ANKS1B: variants seen among roughly 807,000 people sequenced by gnomAD.
The protein encoded by ANKS1B is ankyrin repeat and sterile alpha motif domain containing 1B.
A neutral mutation model predicts 148.3 loss-of-function variants in ANKS1B; 36 were observed. That is an observed-to-expected ratio of 0.24 (90% CI 0.19 to 0.32). The LOEUF (loss-of-function observed/expected upper bound fraction) is 0.32. ANKS1B is among the 10% of genes least tolerant of loss of function. ANKS1B has a pLI of 1.00. For synonymous variants in ANKS1B, 542 were observed against 560.8 expected (o/e 0.97, Z 0.47); for missense variants, 1,157 against 1,542.6 (o/e 0.75, Z 4.19).
intron 8 of ANKS1B, among the ~76,000 whole-genome samples, chr12:99,669,877 G>A (rs1252671912): frequency 1.3e-5 from 2 of 151,936 alleles, no homozygotes. Context: ...TTTCTACCTG[G>A]CACCATATTT....
intron 12 of ANKS1B, among the ~76,000 whole-genome samples, chr12:99,328,921 G>A (rs760759924): frequency 6.6e-6 from 1 of 151,860 alleles, no homozygotes; most frequent in Non-Finnish European, 1.5e-5. Context: ...AACTTCTGGA[G>A]ATAAAAATTC....
intron 14 of ANKS1B, among the ~76,000 whole-genome samples, chr12:99,161,198 G>A (rs766588052): frequency 6.6e-6 from 1 of 152,104 alleles, no homozygotes; most frequent in African/African-American, 2.4e-5. Flanking sequence ...TGAAACTGAG[G>A]TTATTTGACA....
intron 17 of ANKS1B, among the ~76,000 whole-genome samples, chr12:98,974,695 A>T (rs73140903): frequency 0.031 from 4,720 of 152,274 alleles, 115 homozygotes; most frequent in Non-Finnish European, 0.047. Flanking sequence ...AGATGAGTCC[A>T]GGTAGGCCTC....
chr12:99,123,569 C>T (rs1479837023), intron 15 of ANKS1B, among the ~76,000 whole-genome samples: 5 of 152,180 alleles, frequency 3.3e-5, no homozygotes, highest in African/African-American at 1.2e-4. Context: ...GGAAACCAGT[C>T]CAAGTCCCCA....
intron 15 of ANKS1B, chr12:99,099,725 T>C (rs1157793825): frequency 6.6e-6 from 1 of 152,136 alleles, no homozygotes; most frequent in Non-Finnish European, 1.5e-5. Flanking sequence ...AAAAGTAACA[T>C]TGCACAATAT....
chr12:99,541,882 G>A (rs1362839378), intron 9 of ANKS1B, among the ~76,000 whole-genome samples: 1 of 151,734 alleles, frequency 6.6e-6, no homozygotes, highest in Non-Finnish European at 1.5e-5. Context: ...ATGCTTCCAT[G>A]ATAAAAGCAC....
intron 8 of ANKS1B, among the ~76,000 whole-genome samples, chr12:99,751,991 G>A (rs2061151522): frequency 6.6e-6 from 1 of 152,010 alleles, no homozygotes; most frequent in Non-Finnish European, 1.5e-5. Context: ...ACTGGTGAAA[G>A]AGAGTTTGGT....
At chr12:99,629,383 T>C (rs781126134) in intron 9 of ANKS1B, among the ~76,000 whole-genome samples, 7 of 152,190 alleles carry the variant, frequency 4.6e-5, no homozygotes, top group Non-Finnish European at 8.8e-5. Context: ...GAACAACTTT[T>C]CCTGTGGAAA....
At chr12:99,368,151 A>C (rs1380630981) in intron 12 of ANKS1B, among the ~76,000 whole-genome samples, 1 of 152,194 alleles carries the variant, frequency 6.6e-6, no homozygotes. Flanking sequence ...TAAATTTTAA[A>C]TTTCACTCAA....
At chr12:99,601,553 A>T (rs957123957) in intron 9 of ANKS1B, among the ~76,000 whole-genome samples, 1 of 152,112 alleles carries the variant, frequency 6.6e-6, no homozygotes, top group Admixed American at 6.6e-5. Context: ...GCATCCTGTA[A>T]GGACAGAAAA....
At chr12:99,849,180 A>G (rs2087246990) in intron 1 of ANKS1B, among the ~76,000 whole-genome samples, 1 of 152,174 alleles carries the variant, frequency 6.6e-6, no homozygotes, top group Non-Finnish European at 1.5e-5. Flanking sequence ...TGAATCTAAA[A>G]TAACAGTTGA....
Position 99,471,647 on chromosome 12 carries a change from TGCACACACAC to T in ANKS1B, c.1439-27848_1439-27839del, listed in dbSNP as rs2096243945. Among the ~76,000 whole-genome samples, 4 of 139,164 alleles carry T rather than the reference TGCACACACAC, an allele frequency of 2.9e-5. No homozygotes were observed. In the South Asian group the frequency reaches 9.0e-4, roughly 31 times the overall value. The allele number at this position is 139,164 out of a possible 152,430, so 91.3% of individuals were successfully genotyped here. On this transcript the variant is annotated intron_variant, in intron 10 of 26. Transcript: ENST00000683438. ...CATAAAACAACATATCACATATGCG[TGCACACACAC>T]ACACACACACACATACACACGCTCT...
intron 17 of ANKS1B, among the ~76,000 whole-genome samples, chr12:98,984,438 A>C (rs1352245645): frequency 1.3e-5 from 2 of 152,102 alleles, no homozygotes; most frequent in Non-Finnish European, 2.9e-5. Flanking sequence ...CCCTCAATTT[A>C]TCTCTCTCCT....
At chr12:98,950,512 G>A (rs532964982) in intron 17 of ANKS1B, among the ~76,000 whole-genome samples, 2 of 152,118 alleles carry the variant, frequency 1.3e-5, no homozygotes, top group South Asian at 4.2e-4. Flanking sequence ...AAAGAAAGAA[G>A]AAAAGAAACA....
At chr12:99,506,473 A>G (rs986190443) in intron 9 of ANKS1B, among the ~76,000 whole-genome samples, 21 of 152,034 alleles carry the variant, frequency 1.4e-4, no homozygotes, top group African/African-American at 5.1e-4. Flanking sequence ...GTGACAAAGT[A>G]GAAGGCATCC....
At chr12:99,629,606 C>G (rs2153394302) in intron 9 of ANKS1B, among the ~76,000 whole-genome samples, 1 of 152,204 alleles carries the variant, frequency 6.6e-6, no homozygotes, top group East Asian at 1.9e-4. Context: ...AATTAAGACT[C>G]AAACCAATTA....
chr12:99,455,545 G>C (rs1283739535), intron 10 of ANKS1B, among the ~76,000 whole-genome samples: 1 of 152,208 alleles, frequency 6.6e-6, no homozygotes, highest in Admixed American at 6.5e-5. Context: ...CTCATAGGCT[G>C]CCTGGAAATA....
At chr12:99,840,967 C>T (rs2085644759) in intron 1 of ANKS1B, among the ~76,000 whole-genome samples, 1 of 152,012 alleles carries the variant, frequency 6.6e-6, no homozygotes, top group Admixed American at 6.6e-5. Context: ...AACTTTTATT[C>T]CCTCAGTAAA....
chr12:99,806,555 C>T lies in ANKS1B; in HGVS notation c.518G>A (p.Arg173Gln), dbSNP rs1178191342. The T allele has an allele frequency of 1.2e-6, 2 of 1,613,780 alleles. No individual in the cohort carries two copies. The highest frequency in any genetic ancestry group is 1.7e-6 in the Non-Finnish European group (2 of 1,179,868). The stretch of plus-strand genomic sequence containing the variant: ...GATGATCATTTTTACCACTCTAAGC[C>T]GTCCGTAGAGTGCCGCCAAGTCCAA... Reference protein sequence around the residue: ...TPLDLAALYGRLRVVKMIISA... With the variant: ...TPLDLAALYGQLRVVKMIISA... Residue 173 changes from arginine (R) to glutamine (Q), a missense_variant, in exon 4 of 27, where the codon CGG (arginine) becomes CAG (glutamine). Arg to Gln is a conservative substitution (Grantham distance 43). Around this residue, in one of 6 missense-constraint regions of ANKS1B, gnomAD observed 164 missense variants for 232.6 expected, o/e 0.71. Transcript: ENST00000683438.
Sources: gnomAD v4.1 joint callset for allele counts (sites outside exome capture counted in the v4.1 genomes callset) on GRCh38, gnomAD v4.1.1 for gene constraint, gnomAD v4.1.1 regional missense constraint, MANE v1.5 for transcripts, NCBI Gene and HGNC (gene_info 2026-07-23, HGNC 2026-07-21) for gene names.